UST: variants seen among roughly 807,000 people sequenced by gnomAD.
UST encodes the protein uronyl 2-sulfotransferase.
Under a neutral mutation model 45.6 loss-of-function variants are expected in UST, and 21 were observed. The observed-to-expected ratio is 0.46, with a 90% CI of 0.33 to 0.66. The LOEUF (loss-of-function observed/expected upper bound fraction) is 0.66. Ranked by LOEUF, UST falls within the 30% of genes least tolerant of loss-of-function variation. The pLI, the probability that UST is intolerant of heterozygous loss-of-function variation, is 0.02. For missense variants in UST, 463 were observed against 512.4 expected, an observed-to-expected ratio of 0.90 and a Z score of 0.93; for synonymous variants, 215 against 200.6, an observed-to-expected ratio of 1.07 and a Z score of -0.61.
intron 7 of UST, among the ~76,000 whole-genome samples, chr6:149,054,091 G>A (rs1776529287): frequency 6.6e-6 from 1 of 152,084 alleles, no homozygotes; most frequent in African/African-American, 2.4e-5. Flanking sequence ...TCCCTCCCTG[G>A]GACTTTGGAC....
chr6:148,821,115 G>A (rs1016535795), intron 1 of UST, among the ~76,000 whole-genome samples: 3 of 150,512 alleles, frequency 2.0e-5, no homozygotes, highest in Admixed American at 6.6e-5. Flanking sequence ...GATTACAGGA[G>A]CCCACTACCA....
chr6:148,823,240 GA>G (rs1777499993), intron 1 of UST, among the ~76,000 whole-genome samples: 1 of 152,194 alleles, frequency 6.6e-6, no homozygotes, highest in Non-Finnish European at 1.5e-5. Flanking sequence ...GACAAAATCT[GA>G]AAGAATGATT....
chr6:148,759,764 T>C (rs1449662107), intron 1 of UST, among the ~76,000 whole-genome samples: 6 of 136,202 alleles, frequency 4.4e-5, no homozygotes, highest in African/African-American at 8.4e-5. Flanking sequence ...AGGAGAATGG[T>C]GTGAACCCGG....
chr6:148,915,598 T>C (rs540145640), intron 2 of UST, among the ~76,000 whole-genome samples: 2 of 152,310 alleles, frequency 1.3e-5, no homozygotes, highest in South Asian at 2.1e-4. Context: ...ATTAATAAGG[T>C]ATTTCAAAGA....
intron 1 of UST, among the ~76,000 whole-genome samples, chr6:148,851,016 C>T (rs1778093155): frequency 6.6e-6 from 1 of 152,206 alleles, no homozygotes; most frequent in African/African-American, 2.4e-5. Flanking sequence ...TAAATGGCAT[C>T]TGTGCCATTC....
rs147644301 is a variant in UST at position 148,893,294 on chromosome 6, A to G, written c.291+6265A>G. Among the ~76,000 whole-genome samples, 230 of 152,372 alleles carry G rather than the reference A, an allele frequency of 1.5e-3. 2 individuals are homozygous for G. The highest frequency in any genetic ancestry group is 2.7e-3 in the Non-Finnish European group (182 of 68,040). Reference sequence around the variant, plus strand: ...CTCCAAATGAATGAGAAGTAGTAATATGAACTGAGATAATATTTGTATAGT... The same window carrying G: ...CTCCAAATGAATGAGAAGTAGTAATGTGAACTGAGATAATATTTGTATAGT... On this transcript the variant is annotated intron_variant, in intron 2 of 7. Transcript: ENST00000367463.
intron 7 of UST, among the ~76,000 whole-genome samples, chr6:149,051,594 C>A (rs1776488473): frequency 6.6e-6 from 1 of 152,170 alleles, no homozygotes; most frequent in South Asian, 2.1e-4. Flanking sequence ...ATTGGTTTTG[C>A]CTAAACTACA....
chr6:148,817,660 G>C (rs1411363489), intron 1 of UST, among the ~76,000 whole-genome samples: 1 of 152,194 alleles, frequency 6.6e-6, no homozygotes, highest in Non-Finnish European at 1.5e-5. Context: ...TCTGGGTTAA[G>C]ATAAAGGATT....
chr6:149,042,956 TTTCTTTCTTTCTTTCTTTCTTTC>T (rs1478245663), intron 7 of UST, among the ~76,000 whole-genome samples: 23 of 72,560 alleles, frequency 3.2e-4, no homozygotes, highest in African/African-American at 7.6e-4. Context: ...TCACCATCCT[TTTCTTTCTTTCTTTCTTTCTTTC>T]TTTCTTTCTT....
intron 1 of UST, among the ~76,000 whole-genome samples, chr6:148,868,548 C>G (rs562317441): frequency 9.9e-5 from 15 of 152,206 alleles, no homozygotes; most frequent in African/African-American, 3.4e-4. Context: ...GATTTCCCAA[C>G]TCATTTTGTT....
At chr6:148,969,065 T>G (rs1780862285) in intron 5 of UST, among the ~76,000 whole-genome samples, 1 of 152,110 alleles carries the variant, frequency 6.6e-6, no homozygotes, top group Non-Finnish European at 1.5e-5. Context: ...TCAGCAAAGG[T>G]TTTTAGAAAG....
rs922706807 is a variant in UST at position 148,747,174 on chromosome 6, C to T, written c.-257C>T. Among the ~76,000 whole-genome samples, 9 of 149,150 alleles carry T rather than the reference C, an allele frequency of 6.0e-5. No individual in the cohort carries two copies. Among genetic ancestry groups the T allele is most frequent in the African/African-American group, 2.2e-4 (9 of 41,094 alleles). ...CGGGGCGTGGGGACGCTAGCGGGCG[C>T]CGGACGGGCGCGGCGCCCCGTCACG... On this transcript the variant is annotated 5_prime_UTR_variant, in exon 1 of 8. Transcript: ENST00000367463.
At chr6:148,804,325 C>A (rs1255869283) in intron 1 of UST, among the ~76,000 whole-genome samples, 1 of 152,120 alleles carries the variant, frequency 6.6e-6, no homozygotes, top group Non-Finnish European at 1.5e-5. Context: ...AGATGATGCC[C>A]TCTAAATGTT....
At chr6:148,755,573 A>G (rs1776078369) in intron 1 of UST, among the ~76,000 whole-genome samples, 1 of 151,790 alleles carries the variant, frequency 6.6e-6, no homozygotes. Flanking sequence ...GTGGGAGGTA[A>G]TTGAATCATG....
At chr6:148,885,213 G>A (rs559831075) in intron 1 of UST, among the ~76,000 whole-genome samples, 26 of 152,236 alleles carry the variant, frequency 1.7e-4, no homozygotes, top group Admixed American at 1.6e-3. Context: ...GGCTGTCTTC[G>A]ATCCTTGAGA....
chr6:149,041,827 G>A (rs372085385), intron 7 of UST, among the ~76,000 whole-genome samples: 23 of 152,182 alleles, frequency 1.5e-4, no homozygotes, highest in East Asian at 7.7e-4. Context: ...CACCAGAACC[G>A]TCCTCTCCTA....
chr6:148,907,219 C>T (rs372335456), intron 2 of UST, among the ~76,000 whole-genome samples: 1 of 152,076 alleles, frequency 6.6e-6, no homozygotes, highest in East Asian at 1.9e-4. Context: ...TACTTTTCAG[C>T]CATAATTATC....
At chr6:148,836,524 G>T (rs941038056) in intron 1 of UST, among the ~76,000 whole-genome samples, 1 of 152,286 alleles carries the variant, frequency 6.6e-6, no homozygotes, top group African/African-American at 2.4e-5. Context: ...TCGCTGAGTC[G>T]CCTTGGGCCA....
chr6:148,988,684 T>C (rs1332474975), intron 5 of UST, among the ~76,000 whole-genome samples: 1 of 152,124 alleles, frequency 6.6e-6, no homozygotes, highest in Non-Finnish European at 1.5e-5. Context: ...ATGAGGATGT[T>C]TCCCTGGTCT....
Sources: gnomAD v4.1 joint callset for allele counts (sites outside exome capture counted in the v4.1 genomes callset) on GRCh38, gnomAD v4.1.1 for gene constraint, MANE v1.5 for transcripts, NCBI Gene and HGNC (gene_info 2026-07-23, HGNC 2026-07-21) for gene names.